Variants in GLP2R observed in about 807,000 individuals in gnomAD.
GLP2R encodes glucagon-like peptide 2 receptor.
GLP2R carries 59 observed loss-of-function variants against 68.2 expected under a neutral mutation model. The ratio of observed to expected loss-of-function variants is 0.87; its 90% CI spans 0.70 to 1.07. GLP2R has a LOEUF of 1.07. Among genes scored for constraint, GLP2R ranks in the 50% least tolerant of loss-of-function variants. The pLI, the probability that GLP2R is intolerant of heterozygous loss-of-function variation, is 0.00. For missense variants in GLP2R, 548 were observed against 677.4 expected (o/e 0.81, Z 2.12); for synonymous variants, 270 against 265.4 (o/e 1.02, Z -0.17).
chr17:9,826,886 T>A (rs2066637255), intron 1 of GLP2R, among the ~76,000 whole-genome samples: 1 of 152,186 alleles, frequency 6.6e-6, no homozygotes, highest in Non-Finnish European at 1.5e-5. Context: ...TTTGTTTGTT[T>A]TTTGAGATGG....
chr17:9,879,675 G>A (rs981925359), intron 10 of GLP2R, among the ~76,000 whole-genome samples: 2 of 152,190 alleles, frequency 1.3e-5, no homozygotes, highest in Non-Finnish European at 2.9e-5. Flanking sequence ...CACTTTACAC[G>A]TGGGTGGCAC....
intron 2 of GLP2R, among the ~76,000 whole-genome samples, chr17:9,835,654 G>T (rs1040141826): frequency 6.6e-6 from 1 of 152,094 alleles, no homozygotes; most frequent in Non-Finnish European, 1.5e-5. Flanking sequence ...TCTAATTGGT[G>T]AAGGTTTGAT....
chr17:9,855,133 G>A (rs2066923904), intron 5 of GLP2R, among the ~76,000 whole-genome samples: 3 of 152,202 alleles, frequency 2.0e-5, no homozygotes, highest in Admixed American at 2.0e-4. Flanking sequence ...CAAAAGTGTG[G>A]ATAATGGGGG....
chr17:9,886,670 C>T (rs1241782232), intron 11 of GLP2R, among the ~76,000 whole-genome samples: 1 of 152,196 alleles, frequency 6.6e-6, no homozygotes, highest in African/African-American at 2.4e-5. Flanking sequence ...ATTCCACATT[C>T]ATGGGCAGAA....
At chr17:9,842,324 G>T (rs76894318) in intron 3 of GLP2R, among the ~76,000 whole-genome samples, 171 bp from the exon 4 acceptor site, 4,598 of 152,276 alleles carry the variant, frequency 0.03, 92 homozygotes, top group East Asian at 0.077. Context: ...ACAAAATTGA[G>T]AAGCTTCCAT....
At chr17:9,842,693 G>T in intron 4 of GLP2R, 77 bp downstream of exon 4, 2 of 1,495,916 alleles carry the variant, frequency 1.3e-6, no homozygotes, top group Non-Finnish European at 9.2e-7. Context: ...TGGCCTGCTG[G>T]CTCCAGGGGC....
At chr17:9,847,429 C>T (rs1028788365) in intron 4 of GLP2R, among the ~76,000 whole-genome samples, 9 of 152,042 alleles carry the variant, frequency 5.9e-5, no homozygotes, top group African/African-American at 1.9e-4. Flanking sequence ...GCTGCCACAC[C>T]CGGCAATGTT....
In GLP2R at chr17:9,832,230, G is replaced by A. The variant is rs186220048; in HGVS notation, c.190-1577G>A. Among the ~76,000 whole-genome samples the A allele has an allele frequency of 2.0e-4, 31 of 152,158 alleles. No individual in the cohort carries two copies. In the East Asian group the frequency reaches 2.5e-3, roughly 12 times the overall value. ...AGGCAGGAGGATCATTTGAGCCCAG[G>A]AATTTGAGACCAGCCTGGGAAATGT... On this transcript the variant is annotated intron_variant, in intron 1 of 12. Transcript: ENST00000262441.
Position 9,882,563 on chromosome 17 carries a change from G to A in GLP2R, c.1284+2047G>A, listed in dbSNP as rs1175080789. 1.3e-5 allele frequency among the ~76,000 whole-genome samples: 2 copies of A among 149,124 alleles called. 1 individual carries two copies. The highest frequency in any genetic ancestry group is 5.0e-5 in the African/African-American group (2 of 40,122). ...ACACATACAGAGGAAACATGAGGGG[G>A]TCTGGTGGAAAGTAAAAGCCAGGGA... On this transcript the variant is annotated intron_variant, in intron 11 of 12. Transcript: ENST00000262441.
intron 1 of GLP2R, among the ~76,000 whole-genome samples, chr17:9,830,995 T>C (rs920482334): frequency 2.6e-5 from 4 of 152,242 alleles, no homozygotes; most frequent in African/African-American, 4.8e-5. Flanking sequence ...GCTTTAGATA[T>C]ATCTTTTGGC....
intron 6 of GLP2R, among the ~76,000 whole-genome samples, chr17:9,859,329 G>A (rs555331558): frequency 3.3e-5 from 5 of 152,180 alleles, no homozygotes; most frequent in African/African-American, 1.2e-4. Context: ...GTTTCCATTA[G>A]GGCAGTTGCT....
intron 11 of GLP2R, among the ~76,000 whole-genome samples, chr17:9,881,885 G>A (rs2067199433): frequency 6.6e-6 from 1 of 152,174 alleles, no homozygotes; most frequent in Non-Finnish European, 1.5e-5. Flanking sequence ...TCTTCATAGA[G>A]TAGTTATCTG....
rs2066920093 is a variant in GLP2R at position 9,854,648 on chromosome 17, C to G, written c.611+47C>G. 4 of 1,022,816 alleles carry G rather than the reference C, an allele frequency of 3.9e-6. No homozygotes were observed. The Admixed American group carries it at 6.8e-5, about 17-fold the overall frequency. The allele number at this position is 1,022,816 out of a possible 1,614,324, so 63.4% of individuals were successfully genotyped here. A position where few individuals can be genotyped will look rare whatever the true frequency, so the allele number is the denominator to read the frequency against. ...ATGTGTTCGGGCAGGTATAGTAGCC[C>G]TCCTTCATCTACAGGGGATATGTTC... On this transcript the variant is annotated intron_variant, in intron 5 of 12. Transcript: ENST00000262441.
intron 10 of GLP2R, among the ~76,000 whole-genome samples, chr17:9,871,636 T>C (rs926813198): frequency 2.0e-5 from 3 of 152,018 alleles, no homozygotes; most frequent in African/African-American, 7.2e-5. Flanking sequence ...ATTTATTAGA[T>C]CTGCATTGTT....
chr17:9,867,921 G>A (rs1369820731), intron 9 of GLP2R, among the ~76,000 whole-genome samples: 1 of 152,146 alleles, frequency 6.6e-6, no homozygotes, highest in Non-Finnish European at 1.5e-5. Flanking sequence ...GAACCCAGGG[G>A]CTTTCTGTGG....
chr17:9,852,817 T>TCACCATCATCATCTTCTC, intron 4 of GLP2R: 1 of 301,668 alleles, frequency 3.3e-6, no homozygotes, highest in Non-Finnish European at 6.3e-6. Flanking sequence ...ATCATCTTCA[T>TCACCATCATCATCTTCTC]CATCATCATC....
intron 11 of GLP2R, among the ~76,000 whole-genome samples, chr17:9,881,211 A>G (rs62066058): frequency 0.26 from 38,830 of 151,846 alleles, 5,417 homozygotes; most frequent in Non-Finnish European, 0.31. Flanking sequence ...CCTAAGTTGG[A>G]TGGCTCAAAT....
chr17:9,865,755 T>G (rs1163545155), intron 9 of GLP2R: 1 of 465,480 alleles, frequency 2.1e-6, no homozygotes, highest in Non-Finnish European at 4.4e-6. Flanking sequence ...TCAACAGGCA[T>G]GCCTAGAAGG....
intron 9 of GLP2R, chr17:9,866,181 T>G (rs1009697379): frequency 9.9e-6 from 3 of 304,304 alleles, no homozygotes; most frequent in Non-Finnish European, 1.9e-5. Context: ...CTGGGCTCTA[T>G]GACTGACTTG....
Sources: allele counts gnomAD v4.1 joint callset (sites outside exome capture counted in the v4.1 genomes callset), GRCh38; gene constraint gnomAD v4.1.1; transcripts MANE v1.5; gene names NCBI Gene and HGNC (gene_info 2026-07-23, HGNC 2026-07-21).